The following DAPK1 variants were observed in gnomAD, a reference collection of about 807,000 sequenced individuals.
DAPK1 encodes death-associated protein kinase 1.
In DAPK1, 56 loss-of-function variants were observed where a neutral mutation model predicts 144.9. That is an observed-to-expected ratio of 0.39 (90% CI 0.31 to 0.48). DAPK1 has a LOEUF of 0.48. Among genes scored for constraint, DAPK1 ranks in the 20% least tolerant of loss-of-function variants. The pLI is 0.95. For synonymous variants in DAPK1, 690 were observed against 749.0 expected (o/e 0.92, Z 1.29); for missense variants, 1,454 against 1,875.4 (o/e 0.78, Z 4.15).
intron 18 of DAPK1, among the ~76,000 whole-genome samples, chr9:87,664,806 G>A (rs910634014): frequency 1.3e-5 from 2 of 152,180 alleles, no homozygotes; most frequent in Admixed American, 6.5e-5. Context: ...GGGAATCAGA[G>A]CCCTTCAAAT....
intron 2 of DAPK1, among the ~76,000 whole-genome samples, chr9:87,604,621 G>C (rs1373930368): frequency 6.6e-6 from 1 of 152,168 alleles, no homozygotes; most frequent in African/African-American, 2.4e-5. Flanking sequence ...CAGGAAAAGA[G>C]TTTGCTGGAA....
At chr9:87,601,290 C>T (rs1828505688) in intron 2 of DAPK1, among the ~76,000 whole-genome samples, 1 of 152,220 alleles carries the variant, frequency 6.6e-6, no homozygotes, top group Non-Finnish European at 1.5e-5. Flanking sequence ...CAGGCTTACC[C>T]ATCACACACA....
chr9:87,668,870 G>T, intron 19 of DAPK1, 196 bp downstream of exon 19: 3 of 563,306 alleles, frequency 5.3e-6, no homozygotes, highest in Non-Finnish European at 9.5e-6. Flanking sequence ...TCTCTATTTG[G>T]ACTTGGAAAT....
Position 87,499,144 on chromosome 9 carries a change from A to AG in DAPK1, c.62+10dup, listed in dbSNP as rs1285159796. On this transcript the variant is annotated splice_donor_region_variant and intron_variant, in intron 2 of 25. Transcript: ENST00000408954. ...CACCGGCGAGGAACTTGGCAGGTAA[A>AG]GGGGGTACCAGAAGCGTACCCTCCT... 1.9e-6 allele frequency: 3 copies of AG among 1,613,032 alleles called. No homozygotes were observed. In the African/African-American group the frequency reaches 4.0e-5, roughly 22 times the overall value.
intron 2 of DAPK1, among the ~76,000 whole-genome samples, chr9:87,505,449 G>A (rs911159543): frequency 2.0e-5 from 3 of 152,202 alleles, no homozygotes; most frequent in African/African-American, 7.2e-5. Flanking sequence ...AGGCTAGAGT[G>A]TAGTGGCGTG....
At chr9:87,578,643 G>A (rs576070449) in intron 2 of DAPK1, among the ~76,000 whole-genome samples, 2 of 152,250 alleles carry the variant, frequency 1.3e-5, no homozygotes, top group African/African-American at 4.8e-5. Context: ...TGCTAAAGTT[G>A]GCTATTATCT....
chr9:87,640,261 A>G, intron 7 of DAPK1, 37 bp from the exon 8 acceptor site: 6 of 1,591,096 alleles, frequency 3.8e-6, no homozygotes, highest in Non-Finnish European at 5.1e-6. Flanking sequence ...CCAAGGGGTC[A>G]TCATTAATGT....
intron 19 of DAPK1, among the ~76,000 whole-genome samples, chr9:87,676,984 C>T (rs1824409301): frequency 6.6e-6 from 1 of 152,202 alleles, no homozygotes; most frequent in African/African-American, 2.4e-5. Context: ...TTGGCCTCTC[C>T]AAGCCTCAAT....
At position 87,505,215 on chromosome 9, in the gene DAPK1, C is replaced by G. The variant is rs57801285; in HGVS notation, c.62+6076C>G. 1.3e-3 allele frequency among the ~76,000 whole-genome samples: 191 copies of G among 152,282 alleles called. 2 individuals carry two copies. The East Asian group carries it at 0.034, about 27-fold the overall frequency. On this transcript the variant is annotated intron_variant, in intron 2 of 25. Transcript: ENST00000408954. The stretch of plus-strand genomic sequence containing the variant: ...AGGAACTTTCATCCTTCATTCTAGC[C>G]AACTGCCATGAGTACCTAACATTTT...
At chr9:87,552,820 A>G (rs1826546672) in intron 2 of DAPK1, among the ~76,000 whole-genome samples, 1 of 151,532 alleles carries the variant, frequency 6.6e-6, no homozygotes, top group Non-Finnish European at 1.5e-5. Flanking sequence ...AGGCTGTTCT[A>G]GAACTCCAGG....
chr9:87,587,822 C>T (rs1827990350), intron 2 of DAPK1, among the ~76,000 whole-genome samples: 1 of 152,232 alleles, frequency 6.6e-6, no homozygotes, highest in Admixed American at 6.5e-5. Flanking sequence ...GGAGAGCTTG[C>T]TTAGTTTTTG....
At chr9:87,547,834 T>C (rs1242747081) in intron 2 of DAPK1, among the ~76,000 whole-genome samples, 2 of 152,160 alleles carry the variant, frequency 1.3e-5, no homozygotes, top group African/African-American at 4.8e-5. Context: ...GGGAGAGTGG[T>C]TGGCTTTACT....
intron 3 of DAPK1, among the ~76,000 whole-genome samples, chr9:87,607,176 T>C (rs866522578): frequency 4.6e-5 from 7 of 152,222 alleles, no homozygotes; most frequent in Middle Eastern, 3.4e-3. Flanking sequence ...GGTGTAATCC[T>C]CACTGTGGCT....
At chr9:87,515,205 G>A (rs36229264) in intron 2 of DAPK1, among the ~76,000 whole-genome samples, 8 of 152,080 alleles carry the variant, frequency 5.3e-5, no homozygotes, top group Admixed American at 2.0e-4. Context: ...GGTAAGCTTC[G>A]TGGGCCACAT....
chr9:87,584,089 C>G (rs900222295), intron 2 of DAPK1, among the ~76,000 whole-genome samples: 5 of 152,034 alleles, frequency 3.3e-5, no homozygotes, highest in Non-Finnish European at 7.4e-5. Context: ...CATGCATTTA[C>G]TGTGTACAAC....
chr9:87,547,691 C>T (rs1298723837), intron 2 of DAPK1, among the ~76,000 whole-genome samples: 6 of 139,660 alleles, frequency 4.3e-5, no homozygotes, highest in South Asian at 5.3e-4. Flanking sequence ...CTGGGGTAGT[C>T]GGGGCAGGGG....
intron 3 of DAPK1, among the ~76,000 whole-genome samples, chr9:87,613,213 A>G (rs144017914): frequency 8.3e-4 from 127 of 152,336 alleles, no homozygotes; most frequent in African/African-American, 2.8e-3. Context: ...TTTTTTAATC[A>G]TGGTAAAACA....
chr9:87,693,815 T>C (rs1825161707), intron 21 of DAPK1, among the ~76,000 whole-genome samples: 1 of 152,048 alleles, frequency 6.6e-6, no homozygotes, highest in Non-Finnish European at 1.5e-5. Flanking sequence ...GGCCATACGA[T>C]TTTTTTTCAG....
In DAPK1 at chr9:87,708,282, C is replaced by CT. The variant is rs1433446221; in HGVS notation, c.*919dup. ...ATGTAAGAATTCAGAAGACCCCTGA[C>CT]TCATCATTTGTGGCAGTCCCTTATA... On this transcript the variant is annotated 3_prime_UTR_variant, in exon 26 of 26. Transcript: ENST00000408954. 2 of 155,784 alleles carry CT rather than the reference C, an allele frequency of 1.3e-5. No individual in the cohort carries two copies. Among genetic ancestry groups the CT allele is most frequent in the Non-Finnish European group, 2.8e-5 (2 of 70,266 alleles). The allele number at this position is 155,784 out of a possible 1,614,324, so 9.7% of individuals were successfully genotyped here. A position where few individuals can be genotyped will look rare whatever the true frequency, so the allele number is the denominator to read the frequency against.
Sources: allele counts gnomAD v4.1 joint callset (sites outside exome capture counted in the v4.1 genomes callset), GRCh38; gene constraint gnomAD v4.1.1; transcripts MANE v1.5; gene names NCBI Gene and HGNC (gene_info 2026-07-23, HGNC 2026-07-21).